BTD: variants seen among roughly 807,000 people sequenced by gnomAD.
BTD encodes the protein biocytinase.
BTD carries 13 observed loss-of-function variants against 17.7 expected under a neutral mutation model. The ratio of observed to expected loss-of-function variants is 0.74; its 90% CI spans 0.48 to 1.17. The LOEUF (loss-of-function observed/expected upper bound fraction) is 1.17, where lower values mean the gene tolerates loss of function less well. Among genes scored for constraint, BTD ranks in the 50% most tolerant of loss-of-function variants. The pLI, the probability that BTD is intolerant of heterozygous loss-of-function variation, is 0.00. For synonymous variants in BTD, 240 were observed against 245.2 expected (o/e 0.98, Z 0.20); for missense variants, 674 against 650.4 (o/e 1.04, Z -0.39).
rs750618889 is a variant in BTD, at chr3:15,678,260, C to T, written c.400-31800C>T. The T allele has an allele frequency of 3.7e-6, 6 of 1,612,888 alleles. No individual in the cohort carries two copies. In the South Asian group the frequency reaches 5.5e-5, roughly 15 times the overall value. On this transcript the variant is annotated intron_variant, in intron 3 of 3. Coordinates refer to the BTD transcript ENST00000672141. ...GCAGCCATCATAAGAGGTGTTTTCC[C>T]TGTAGAGTCCACAGAATTGACTTGA...
In BTD at chr3:15,645,159, A is replaced by G; in HGVS notation, c.1243A>G (p.Lys415Glu). 5 of 1,614,184 alleles carry G rather than the reference A, an allele frequency of 3.1e-6. No homozygotes were observed. Among genetic ancestry groups the G allele is most frequent in the Non-Finnish European group, 4.2e-6 (5 of 1,180,038 alleles). ...ACTTTACGAGAGGCCCACCTTATCC[A>G]AAGAGCTGTATGCCCTGGGGGTCTT... is the stretch of plus-strand genomic sequence containing the variant. ...YLLYERPTLS[K>E]ELYALGVFDG... Residue 415 changes from lysine (K) to glutamate (E), a missense_variant, in exon 4 of 4, where the codon AAA becomes GAA. Lys to Glu is a moderately conservative substitution (Grantham distance 56, BLOSUM62 1). Coordinates refer to ENST00000643237, the MANE Select transcript of BTD (RefSeq NM_001370658.1).
chr3:15,716,968 T>A (rs1465033530), downstream of BTD, among the ~76,000 whole-genome samples: 1 of 152,068 alleles, frequency 6.6e-6, no homozygotes, highest in Non-Finnish European at 1.5e-5. Flanking sequence ...TCTCCCCATC[T>A]CCCTTCCTCC....
rs1475846262 is a variant in BTD, at chr3:15,649,377, AG to A, written c.*3890del. On this transcript the variant is annotated 3_prime_UTR_variant, in exon 4 of 4. Transcript: ENST00000643237. Reference sequence around the variant, plus strand: ...ACCATCTTATTGAGTTACACAGGTCAGCCCTGCTCCCTATGGAAAGAGACAG... The same window carrying A: ...ACCATCTTATTGAGTTACACAGGTCACCCTGCTCCCTATGGAAAGAGACAG... 1.3e-5 allele frequency among the ~76,000 whole-genome samples: 2 copies of A among 152,244 alleles called. No individual in the cohort carries two copies. Among genetic ancestry groups the A allele is most frequent in the African/African-American group, 4.8e-5 (2 of 41,464 alleles).
chr3:15,656,034 C>G (rs1056585921), downstream of BTD, among the ~76,000 whole-genome samples: 10 of 152,160 alleles, frequency 6.6e-5, no homozygotes, highest in African/African-American at 2.4e-4. Context: ...AACTCCTGAC[C>G]TCAAGTGATC....
At chr3:15,695,145 C>G in intron 3 of BTD, 1 of 1,500,938 alleles carries the variant, frequency 6.7e-7, no homozygotes, top group South Asian at 1.2e-5. Flanking sequence ...TAGGAGGGAA[C>G]TGACCAATAC....
intron 3 of BTD, among the ~76,000 whole-genome samples, chr3:15,681,044 T>C (rs2067487673): frequency 6.6e-6 from 1 of 152,278 alleles, no homozygotes; most frequent in East Asian, 1.9e-4. Context: ...AGGAGAAGTA[T>C]CCAGCCTTGG....
intron 3 of BTD, among the ~76,000 whole-genome samples, chr3:15,662,078 G>A (rs55706169): frequency 0.062 from 9,378 of 152,080 alleles, 369 homozygotes; most frequent in South Asian, 0.12. Context: ...CATTTTATTC[G>A]TCTCCTTCAA....
chr3:15,676,775 T>A, intron 3 of BTD: 1 of 430,524 alleles, frequency 2.3e-6, no homozygotes, highest in Non-Finnish European at 4.1e-6. Context: ...TATAATAAAA[T>A]TTCAGTTCAA....
chr3:15,685,276 G>A (rs1251150317), intron 3 of BTD: 2 of 1,613,970 alleles, frequency 1.2e-6, no homozygotes, highest in Admixed American at 3.3e-5. Flanking sequence ...GTCTGCTGTG[G>A]CTGGATTTGC....
At chr3:15,705,644 GT>G (rs1465410707) in intron 3 of BTD, among the ~76,000 whole-genome samples, 2 of 152,128 alleles carry the variant, frequency 1.3e-5, no homozygotes, top group Admixed American at 1.3e-4. Flanking sequence ...TATTTAAATA[GT>G]TGCTATCTAA....
At chr3:15,601,976 C>T (rs904382522) in intron 1 of BTD, 82 bp downstream of exon 1, 1 of 1,583,540 alleles carries the variant, frequency 6.3e-7, no homozygotes, top group Admixed American at 1.8e-5. Context: ...CCCAGTTGGA[C>T]TTGGGGAGGG....
chr3:15,601,588 C>A, upstream of BTD: 1 of 1,587,762 alleles, frequency 6.3e-7, no homozygotes, highest in South Asian at 1.1e-5. Flanking sequence ...GGAGGGCAAC[C>A]AACTGCCTTA....
rs763364838 is a variant in BTD, at chr3:15,601,869, C to G, written c.-42C>G. ...AGGGAGAATGGCGCATGCGCATATTCAGGGCGGAAGGCGCGCTAAGAGCAG... is the reference window on the plus strand; with the variant it reads ...AGGGAGAATGGCGCATGCGCATATTGAGGGCGGAAGGCGCGCTAAGAGCAG... On this transcript the variant is annotated 5_prime_UTR_variant, in exon 1 of 4. Transcript: ENST00000643237. The G allele has an allele frequency of 6.2e-6, 10 of 1,614,142 alleles. No individual in the cohort carries two copies. The highest frequency in any genetic ancestry group is 1.1e-5 in the South Asian group (1 of 91,078).
chr3:15,611,723 A>C (rs2064638435), intron 1 of BTD, among the ~76,000 whole-genome samples: 1 of 151,876 alleles, frequency 6.6e-6, no homozygotes. Context: ...GGTTGCAATG[A>C]GCTGAGATTG....
intron 2 of BTD, among the ~76,000 whole-genome samples, chr3:15,637,042 C>T (rs929224763): frequency 6.6e-6 from 1 of 152,054 alleles, no homozygotes; most frequent in Non-Finnish European, 1.5e-5. Context: ...CCCGTAACTG[C>T]CACCACGATT....
At chr3:15,641,145 G>A (rs754672591) in intron 2 of BTD, among the ~76,000 whole-genome samples, 10 of 152,156 alleles carry the variant, frequency 6.6e-5, no homozygotes, top group Non-Finnish European at 1.0e-4. Flanking sequence ...AGGGAGTTCC[G>A]GGCCATCACA....
At chr3:15,613,347 C>T (rs933113816) in intron 1 of BTD, among the ~76,000 whole-genome samples, 2 of 152,116 alleles carry the variant, frequency 1.3e-5, no homozygotes, top group Non-Finnish European at 2.9e-5. Context: ...ATTCATGTTG[C>T]TTATTTATTT....
At chr3:15,672,560 A>G (rs2066483689) in intron 3 of BTD, among the ~76,000 whole-genome samples, 1 of 152,168 alleles carries the variant, frequency 6.6e-6, no homozygotes, top group Non-Finnish European at 1.5e-5. Flanking sequence ...TTTTAATTAA[A>G]TTTTATTTGT....
chr3:15,624,066 G>A (rs2065015125), intron 1 of BTD, among the ~76,000 whole-genome samples: 1 of 152,204 alleles, frequency 6.6e-6, no homozygotes, highest in Admixed American at 6.5e-5. Context: ...TGATTTCTGA[G>A]AAGTCAGATA....
Sources: gnomAD v4.1 joint callset for allele counts (sites outside exome capture counted in the v4.1 genomes callset) on GRCh38, gnomAD v4.1.1 for gene constraint, MANE v1.5 for transcripts, NCBI Gene and HGNC (gene_info 2026-07-23, HGNC 2026-07-21) for gene names.